Variants in NAT10 observed in about 807,000 individuals in gnomAD.
The protein encoded by NAT10 is RNA cytidine acetyltransferase.
A neutral mutation model predicts 132.2 loss-of-function variants in NAT10; 109 were observed. That is an observed-to-expected ratio of 0.82 (90% confidence interval 0.71 to 0.97). The LOEUF is 0.97. Ranked by LOEUF, NAT10 falls within the 50% of genes least tolerant of loss-of-function variation. NAT10 has a pLI of 0.00. For missense variants in NAT10, 1,184 were observed against 1,263.4 expected, an observed-to-expected ratio of 0.94 and a Z score of 0.95; for synonymous variants, 479 against 478.0, an observed-to-expected ratio of 1.00 and a Z score of -0.03.
In NAT10 at chr11:34,134,535, T is replaced by A; in HGVS notation, c.1860T>A (p.Gly620=). 1.2e-6 allele frequency: 2 copies of A among 1,614,160 alleles called. No individual in the cohort carries two copies. The highest frequency in any genetic ancestry group is 1.7e-6 in the Non-Finnish European group (2 of 1,180,024). Residue 620 remains glycine, a synonymous_variant, in exon 18 of 29, where the codon GGT becomes GGA. Transcript: ENST00000257829. ...SEQFQDPDFG[G]LSGGRVVRIA... is the part of the protein sequence containing the mutation. ...AGTTCCAAGATCCAGACTTTGGTGG[T>A]CTGTCTGGTGGAAGGGTCGTTCGCA...
At chr11:34,126,088 G>A (rs1404770166) in intron 11 of NAT10, among the ~76,000 whole-genome samples, 3 of 152,224 alleles carry the variant, frequency 2.0e-5, no homozygotes, top group African/African-American at 4.8e-5. Flanking sequence ...GTATAGGAGC[G>A]TGCAGAGACC....
chr11:34,108,520 A>G (rs935781970), intron 2 of NAT10, among the ~76,000 whole-genome samples, 187 bp downstream of exon 2: 2 of 152,182 alleles, frequency 1.3e-5, no homozygotes, highest in Non-Finnish European at 2.9e-5. Context: ...TTCGCAGACA[A>G]GCTAATACCT....
intron 8 of NAT10, among the ~76,000 whole-genome samples, chr11:34,120,118 T>TTTG (rs144485614): frequency 2.2e-4 from 33 of 147,562 alleles, no homozygotes; most frequent in Non-Finnish European, 1.2e-4. Context: ...CATCTGTTGT[T>TTTG]TTGTTGTTGT....
At chr11:34,141,012 T>C (rs779420113) in intron 24 of NAT10, 77 bp from the exon 25 acceptor site, 17 of 1,595,284 alleles carry the variant, frequency 1.1e-5, no homozygotes, top group East Asian at 9.0e-5. Flanking sequence ...GTCAAGAGAG[T>C]ACTCTGGTTC....
At position 34,132,327 on chromosome 11, in the gene NAT10, G is replaced by C. The variant is rs929266928; in HGVS notation, c.1617+106G>C. The C allele has an allele frequency of 5.5e-6, 5 of 903,964 alleles. No homozygotes were observed. In the South Asian group the frequency reaches 6.7e-5, roughly 12 times the overall value. 56.0% of individuals were successfully genotyped at this position (903,964 alleles called of 1,614,324 possible). A position where few individuals can be genotyped will look rare whatever the true frequency, so the allele number is the denominator to read the frequency against. On this transcript the variant is annotated intron_variant, in intron 15 of 28. Transcript: ENST00000257829. The stretch of plus-strand genomic sequence containing the variant: ...TTATTACCCAATGGCTTAGGTGACT[G>C]TTCCATTGGGACATTGATGAGTTCC...
Position 34,146,554 on chromosome 11 carries a change from C to G in NAT10, c.*362C>G. The G allele has an allele frequency of 6.0e-6, 1 of 166,530 alleles. No individual in the cohort carries two copies. The highest frequency in any genetic ancestry group is 1.3e-5 in the Non-Finnish European group (1 of 76,484). The allele number at this position is 166,530 out of a possible 1,614,324, so 10.3% of individuals were successfully genotyped here. On this transcript the variant is annotated 3_prime_UTR_variant, in exon 29 of 29. Coordinates refer to ENST00000257829, the MANE Select transcript of NAT10 (RefSeq NM_024662.3). ...ACGTTGCCTCTCGACCGCCTGAGGC[C>G]CTTAAGTACATCGCTTTCTGGTGGT...
chr11:34,131,858 G>A (rs568437122), intron 14 of NAT10, among the ~76,000 whole-genome samples: 1 of 151,706 alleles, frequency 6.6e-6, no homozygotes, highest in Non-Finnish European at 1.5e-5. Flanking sequence ...GCTAATTTTT[G>A]TATTTTTAGT....
At chr11:34,122,707 T>A in intron 9 of NAT10, 115 bp downstream of exon 9, 7 of 1,373,554 alleles carry the variant, frequency 5.1e-6, no homozygotes, top group Non-Finnish European at 7.0e-6. Context: ...CTGAGTGGGT[T>A]CAGTGTGTGA....
At position 34,129,039 on chromosome 11, in the gene NAT10, T is replaced by G. The variant is rs185403976; in HGVS notation, c.1244+1440T>G. Among the ~76,000 whole-genome samples, 313 of 152,368 alleles carry G rather than the reference T, an allele frequency of 2.1e-3. 1 individual carries two copies. Among genetic ancestry groups the G allele is most frequent in the African/African-American group, 7.4e-3 (306 of 41,584 alleles). ...GATATACCACATTTTATTTTTCCAT[T>G]TATCTGTTGGTGGACATTTGGGTTA... On this transcript the variant is annotated intron_variant, in intron 12 of 28. Coordinates refer to ENST00000257829, the MANE Select transcript of NAT10 (RefSeq NM_024662.3).
At chr11:34,127,106 C>T (rs1266506633) in intron 11 of NAT10, among the ~76,000 whole-genome samples, 1 of 152,258 alleles carries the variant, frequency 6.6e-6, no homozygotes, top group African/African-American at 2.4e-5. Context: ...ATCTATCTCT[C>T]AGCACTGTGA....
chr11:34,142,430 C>G (rs762963559), intron 27 of NAT10, 82 bp downstream of exon 27: 21 of 1,219,046 alleles, frequency 1.7e-5, no homozygotes, highest in Non-Finnish European at 2.5e-5. Flanking sequence ...TAATCATATC[C>G]CACGTGCCCT....
chr11:34,116,310 G>A (rs1590763044), intron 6 of NAT10, among the ~76,000 whole-genome samples: 1 of 152,220 alleles, frequency 6.6e-6, no homozygotes, highest in East Asian at 1.9e-4. Flanking sequence ...GTAATTAGAG[G>A]CAGAAAAAGG....
intron 1 of NAT10, chr11:34,107,384 A>C (rs749752505): frequency 6.6e-6 from 1 of 152,202 alleles, no homozygotes; most frequent in East Asian, 1.9e-4. Flanking sequence ...GACACATTAC[A>C]TCATGGAATT....
Position 34,142,256 on chromosome 11 carries a change from T to C in NAT10, c.2812-19T>C, listed in dbSNP as rs745418549. 6.2e-7 allele frequency: 1 copy of C among 1,613,120 alleles called. No homozygotes were observed. Among genetic ancestry groups the C allele is most frequent in the Non-Finnish European group, 8.5e-7 (1 of 1,179,066 alleles). On this transcript the variant is annotated intron_variant, in intron 26 of 28. Coordinates refer to ENST00000257829, the MANE Select transcript of NAT10 (RefSeq NM_024662.3). ...ATCCTTGACTCTGACTTAGTCTCTT[T>C]ATGGGTCCTTAACCACAGGATGAAG...
chr11:34,141,214 C>T lies in NAT10; in HGVS notation c.2712+6C>T. On this transcript the variant is annotated splice_donor_region_variant and intron_variant, in intron 25 of 28. Coordinates refer to ENST00000257829, the MANE Select transcript of NAT10 (RefSeq NM_024662.3). ...TCATCCGCAAAGTTGTGAAGGTAAC[C>T]TCAGCCTGAGGGCAGGGGCTTGATG... The T allele has an allele frequency of 1.2e-6, 2 of 1,613,944 alleles. No homozygotes were observed. The highest frequency in any genetic ancestry group is 1.1e-5 in the South Asian group (1 of 91,050).
At chr11:34,120,096 A>G (rs1009366577) in intron 8 of NAT10, among the ~76,000 whole-genome samples, 1 of 143,962 alleles carries the variant, frequency 6.9e-6, no homozygotes, top group South Asian at 2.2e-4. Flanking sequence ...CCTTCTTCAT[A>G]TAATTATTGG....
At chr11:34,137,260 T>C (rs1260197781) in intron 21 of NAT10, among the ~76,000 whole-genome samples, 1 of 152,184 alleles carries the variant, frequency 6.6e-6, no homozygotes, top group Non-Finnish European at 1.5e-5. Flanking sequence ...AGTCATAAAA[T>C]GGCAGAGGTA....
rs747954861 is a variant in NAT10, at chr11:34,143,488, A to G, written c.2929A>G (p.Asn977Asp). The change falls in exon 28 of 29, where the codon AAC (asparagine) becomes GAC (aspartate). Residue 977 changes from asparagine to aspartate, a missense_variant. Transcript: ENST00000257829. ...CGATGAAGAGTGGAATGAAGTTTTG[A>G]ACAAAGCTGGGCCGAACGCCTCGAT... The part of the protein sequence containing the change: ...GDDEEWNEVL[N>D]KAGPNASIIS... The G allele has an allele frequency of 6.2e-7, 1 of 1,613,364 alleles. No individual in the cohort carries two copies. Among genetic ancestry groups the G allele is most frequent in the South Asian group, 1.1e-5 (1 of 91,044 alleles).
In NAT10 at chr11:34,139,438, C is replaced by G; in HGVS notation, c.2362C>G (p.Pro788Ala). Residue 788 changes from proline to alanine, a missense_variant, in exon 23 of 29, where the codon CCT becomes GCT. Coordinates refer to ENST00000257829, the MANE Select transcript of NAT10 (RefSeq NM_024662.3). ...CTCCTACCAGTTCAGTACCTTCTCT[C>G]CTTCCCTGGCTCTGAACATCATTCA... ...LLSYQFSTFS[P>A]SLALNIIQNR... 1 of 1,614,136 alleles carries G rather than the reference C, an allele frequency of 6.2e-7. No individual in the cohort carries two copies. Among genetic ancestry groups the G allele is most frequent in the Non-Finnish European group, 8.5e-7 (1 of 1,180,026 alleles).
Sources: gnomAD v4.1 joint callset for allele counts (sites outside exome capture counted in the v4.1 genomes callset) on GRCh38, gnomAD v4.1.1 for gene constraint, MANE v1.5 for transcripts, NCBI Gene and HGNC (gene_info 2026-07-23, HGNC 2026-07-21) for gene names.